Variants in ZNF566 observed in about 807,000 individuals in gnomAD.
ZNF566 encodes zinc finger protein 566.
Under a neutral mutation model 32.8 loss-of-function variants are expected in ZNF566, and 27 were observed. The ratio of observed to expected loss-of-function variants is 0.82; its 90% CI spans 0.61 to 1.14. ZNF566 has a LOEUF of 1.14. Among genes scored for constraint, ZNF566 ranks in the 50% most tolerant of loss-of-function variants. ZNF566 has a pLI of 0.00. For synonymous variants in ZNF566, 154 were observed against 159.5 expected (o/e 0.97, Z 0.26); for missense variants, 402 against 490.4 (o/e 0.82, Z 1.70).
In ZNF566 at chr19:36,456,165, T is replaced by A. The variant is rs948914917; in HGVS notation, c.233-6164A>T. ...GAAGACAATCCCATGTATAATAACA[T>A]CAAAAAGAATAAAATACTTAGGAAA... On this transcript the variant is annotated intron_variant, in intron 4 of 4. Transcript: ENST00000452939. Among the ~76,000 whole-genome samples, 72 of 151,432 alleles carry A rather than the reference T, an allele frequency of 4.8e-4. 1 individual carries two copies. Among genetic ancestry groups the A allele is most frequent in the Non-Finnish European group, 2.9e-5 (2 of 67,876 alleles).
intron 4 of ZNF566, among the ~76,000 whole-genome samples, chr19:36,469,541 G>A (rs1048443292): frequency 4.6e-5 from 7 of 151,690 alleles, no homozygotes; most frequent in South Asian, 2.1e-4. Context: ...ACTCCATCTC[G>A]AAAACAAAGA....
At chr19:36,467,790 C>CAAAA (rs560803094) in intron 4 of ZNF566, among the ~76,000 whole-genome samples, 18 of 85,906 alleles carry the variant, frequency 2.1e-4, no homozygotes, top group East Asian at 5.0e-4. Context: ...GACTCCATCT[C>CAAAA]AAAAAAAAAA....
At chr19:36,471,442 C>T (rs1455107476) in intron 4 of ZNF566, among the ~76,000 whole-genome samples, 1 of 152,082 alleles carries the variant, frequency 6.6e-6, no homozygotes, top group Non-Finnish European at 1.5e-5. Flanking sequence ...TCCTCAAACA[C>T]AGCCAACGCA....
chr19:36,452,855 C>T (rs1217750570), intron 4 of ZNF566, among the ~76,000 whole-genome samples: 1 of 152,114 alleles, frequency 6.6e-6, no homozygotes, highest in African/African-American at 2.4e-5. Flanking sequence ...CACGGTGGCT[C>T]ACACCTGTAA....
chr19:36,459,447 G>A (rs879851276), intron 4 of ZNF566, among the ~76,000 whole-genome samples: 12 of 150,466 alleles, frequency 8.0e-5, no homozygotes, highest in South Asian at 4.2e-4. Flanking sequence ...ACTCCTGACC[G>A]TGTGATCCAC....
chr19:36,480,662 A>T (rs1174642796), intron 1 of ZNF566, among the ~76,000 whole-genome samples: 1 of 130,470 alleles, frequency 7.7e-6, no homozygotes, highest in Non-Finnish European at 1.8e-5. Flanking sequence ...CTGGAAAAAA[A>T]AAAATTAACC....
Position 36,453,422 on chromosome 19 carries a change from G to A in ZNF566, c.233-3421C>T, listed in dbSNP as rs868324568. Among the ~76,000 whole-genome samples, 118 of 151,002 alleles carry A rather than the reference G, an allele frequency of 7.8e-4. 2 individuals carry two copies. The highest frequency in any genetic ancestry group is 4.4e-3 in the Admixed American group (67 of 15,118). On this transcript the variant is annotated intron_variant, in intron 4 of 4. Transcript: ENST00000452939. ...CAGGAGGCAGAGGTTGCAGTGAGCC[G>A]AGATCGCGCCACTGCACTCCAGCCT...
At chr19:36,480,050 A>G (rs11672024) in intron 1 of ZNF566, among the ~76,000 whole-genome samples, 31,743 of 152,002 alleles carry the variant, frequency 0.21, 3,501 homozygotes, top group South Asian at 0.35. Context: ...TTTGGGGGGA[A>G]TAAGGTAAAA....
At chr19:36,477,674 G>A (rs1181642159) in intron 1 of ZNF566, among the ~76,000 whole-genome samples, 3 of 151,750 alleles carry the variant, frequency 2.0e-5, no homozygotes, top group Non-Finnish European at 2.9e-5. Flanking sequence ...AAGTAGCTGG[G>A]ACTACAGGCT....
rs1300281732 is a variant in ZNF566 at position 36,465,945 on chromosome 19, T to C, written c.232+6966A>G. Among the ~76,000 whole-genome samples, 7 of 149,696 alleles carry C rather than the reference T, an allele frequency of 4.7e-5. 1 individual carries two copies. Among genetic ancestry groups the C allele is most frequent in the Admixed American group, 2.7e-4 (4 of 15,024 alleles). Reference sequence around the variant, plus strand: ...AAGGCAGTATAAATGGAAAAACAGATAAAGAGTAAGAAACACACAGACGTT... The same window carrying C: ...AAGGCAGTATAAATGGAAAAACAGACAAAGAGTAAGAAACACACAGACGTT... On this transcript the variant is annotated intron_variant, in intron 4 of 4. Transcript: ENST00000452939.
intron 4 of ZNF566, 79 bp downstream of exon 4, chr19:36,472,832 G>T: frequency 1.7e-6 from 2 of 1,174,842 alleles, no homozygotes; most frequent in Non-Finnish European, 2.5e-6. Flanking sequence ...AGCCTGTGAG[G>T]AGAGTTTCCC....
At chr19:36,474,526 A>G (rs1453592710) in intron 2 of ZNF566, among the ~76,000 whole-genome samples, 1 of 152,196 alleles carries the variant, frequency 6.6e-6, no homozygotes, top group Non-Finnish European at 1.5e-5. Context: ...ACGAAAGTGC[A>G]GTATGGGAAT....
intron 4 of ZNF566, 89 bp from the exon 5 acceptor site, chr19:36,450,090 T>C: frequency 3.6e-6 from 4 of 1,106,044 alleles, no homozygotes; most frequent in Non-Finnish European, 5.1e-6. Flanking sequence ...TAACCGAATT[T>C]TTTTTACAAA....
intron 1 of ZNF566, among the ~76,000 whole-genome samples, chr19:36,485,984 G>T (rs768267163): frequency 3.3e-5 from 5 of 152,142 alleles, no homozygotes; most frequent in Non-Finnish European, 7.3e-5. Context: ...AACCCAGGAG[G>T]TGGAGGTTGT....
intron 2 of ZNF566, chr19:36,476,317 A>T (rs1265377689): frequency 5.0e-5 from 19 of 378,216 alleles, no homozygotes; most frequent in Non-Finnish European, 8.1e-5. Flanking sequence ...AAAAAAAAAA[A>T]AAAAGGGTAA....
intron 4 of ZNF566, among the ~76,000 whole-genome samples, chr19:36,467,193 T>A: frequency 6.6e-6 from 1 of 150,918 alleles, no homozygotes; most frequent in East Asian, 2.0e-4. Context: ...CCCAGCACTT[T>A]GGGAGGCCGA....
chr19:36,450,652 T>C (rs1481970579), intron 4 of ZNF566, among the ~76,000 whole-genome samples: 2 of 151,800 alleles, frequency 1.3e-5, no homozygotes, highest in Non-Finnish European at 2.9e-5. Flanking sequence ...AATAGATAGA[T>C]AAATAAATAA....
chr19:36,489,414 T>A, intron 1 of ZNF566, 72 bp downstream of exon 1: 1 of 298,066 alleles, frequency 3.4e-6, no homozygotes, highest in Non-Finnish European at 6.5e-6. Context: ...CAATCTCACC[T>A]CCACCGCCGC....
chr19:36,463,924 C>T (rs760321799), intron 4 of ZNF566, among the ~76,000 whole-genome samples: 1 of 152,004 alleles, frequency 6.6e-6, no homozygotes, highest in Middle Eastern at 3.2e-3. Flanking sequence ...CTGGGTTTCA[C>T]CACGTTGTCC....
Sources: allele counts gnomAD v4.1 joint callset (sites outside exome capture counted in the v4.1 genomes callset), GRCh38; gene constraint gnomAD v4.1.1; transcripts MANE v1.5; gene names NCBI Gene and HGNC (gene_info 2026-07-23, HGNC 2026-07-21).